ENOX1: variants seen among roughly 807,000 people sequenced by gnomAD.
ENOX1 encodes ecto-NOX disulfide-thiol exchanger 1.
A neutral mutation model predicts 82.5 loss-of-function variants in ENOX1; 42 were observed. The observed-to-expected ratio is 0.51, with a 90% confidence interval of 0.40 to 0.66. The LOEUF (loss-of-function observed/expected upper bound fraction) is 0.66. ENOX1 is among the 30% of genes least tolerant of loss of function. ENOX1 has a pLI of 0.00. For synonymous variants in ENOX1, 271 were observed against 282.2 expected (o/e 0.96, Z 0.40); for missense variants, 608 against 811.6 (o/e 0.75, Z 3.05).
intron 5 of ENOX1, among the ~76,000 whole-genome samples, chr13:43,407,316 C>A (rs2053858670): frequency 6.6e-6 from 1 of 152,156 alleles, no homozygotes; most frequent in Non-Finnish European, 1.5e-5. Context: ...AAATTGTGAA[C>A]TAGATCATGC....
At chr13:43,699,723 G>C (rs2086816019) in intron 1 of ENOX1, among the ~76,000 whole-genome samples, 1 of 152,204 alleles carries the variant, frequency 6.6e-6, no homozygotes. Flanking sequence ...CTTGTGCAGA[G>C]AAGAATAGTT....
At chr13:43,397,041 C>A (rs2053196903) in intron 5 of ENOX1, among the ~76,000 whole-genome samples, 1 of 152,186 alleles carries the variant, frequency 6.6e-6, no homozygotes, top group Non-Finnish European at 1.5e-5. Context: ...CACTTTCATG[C>A]CCTTCCCAGT....
At chr13:43,696,880 C>T (rs909950208) in intron 1 of ENOX1, among the ~76,000 whole-genome samples, 3 of 150,670 alleles carry the variant, frequency 2.0e-5, no homozygotes, top group African/African-American at 7.3e-5. Context: ...ACCATCTTCA[C>T]TGGCTCTTGA....
intron 5 of ENOX1, among the ~76,000 whole-genome samples, chr13:43,407,143 G>T (rs2053849513): frequency 1.3e-5 from 2 of 152,180 alleles, no homozygotes; most frequent in South Asian, 2.1e-4. Context: ...CCAAAGCTTG[G>T]GATTTGATAT....
chr13:43,783,868 G>A (rs1164315617), intron 1 of ENOX1, among the ~76,000 whole-genome samples: 2 of 152,058 alleles, frequency 1.3e-5, no homozygotes, highest in Non-Finnish European at 2.9e-5. Context: ...AAAAGAAACA[G>A]CTTCACCTTA....
intron 3 of ENOX1, among the ~76,000 whole-genome samples, chr13:43,435,184 A>T (rs1203310802): frequency 2.0e-5 from 3 of 152,052 alleles, no homozygotes; most frequent in Non-Finnish European, 2.9e-5. Flanking sequence ...CACGCAATGG[A>T]GTATGCCATT....
chr13:43,630,364 A>T (rs867062166), intron 2 of ENOX1, among the ~76,000 whole-genome samples: 157 of 152,276 alleles, frequency 1.0e-3, no homozygotes, highest in African/African-American at 3.5e-3. Flanking sequence ...GGTAGTCCTT[A>T]AACCCTACTT....
chr13:43,572,512 C>G (rs2080229670), intron 2 of ENOX1, among the ~76,000 whole-genome samples: 1 of 152,182 alleles, frequency 6.6e-6, no homozygotes, highest in African/African-American at 2.4e-5. Flanking sequence ...TCATGGCACT[C>G]ATGTCTTCAA....
chr13:43,414,711 T>C (rs2054339955), intron 3 of ENOX1, among the ~76,000 whole-genome samples: 1 of 152,228 alleles, frequency 6.6e-6, no homozygotes, highest in African/African-American at 2.4e-5. Context: ...TTCAGATCTT[T>C]GCAACGTCAC....
chr13:43,498,368 G>A (rs923789822), intron 2 of ENOX1, among the ~76,000 whole-genome samples: 3 of 151,976 alleles, frequency 2.0e-5, no homozygotes, highest in Non-Finnish European at 4.4e-5. Context: ...GCATCTTATA[G>A]TAATAACAGG....
At chr13:43,572,846 T>C (rs2080244849) in intron 2 of ENOX1, among the ~76,000 whole-genome samples, 1 of 152,254 alleles carries the variant, frequency 6.6e-6, no homozygotes, top group African/African-American at 2.4e-5. Flanking sequence ...GGGATAATTA[T>C]CTGGTTATCC....
chr13:43,435,198 G>A, intron 3 of ENOX1, among the ~76,000 whole-genome samples: 1 of 152,040 alleles, frequency 6.6e-6, no homozygotes, highest in East Asian at 1.9e-4. Flanking sequence ...TGCCATTCCA[G>A]CCAGGAAACC....
intron 2 of ENOX1, among the ~76,000 whole-genome samples, chr13:43,632,410 T>C (rs1331085104): frequency 6.6e-6 from 1 of 151,754 alleles, no homozygotes; most frequent in Non-Finnish European, 1.5e-5. Context: ...ATTATATATA[T>C]AGCCTTATAA....
At chr13:43,478,944 C>CGGGGGAGTAATTCCCCAAGCCTTT (rs1555293797) in intron 3 of ENOX1, among the ~76,000 whole-genome samples, 2 of 150,916 alleles carry the variant, frequency 1.3e-5, no homozygotes, top group African/African-American at 4.9e-5. Flanking sequence ...AGAGCCATTT[C>CGGGGGAGTAATTCCCCAAGCCTTT]GGGGGAGAAA....
chr13:43,772,779 A>G (rs969804851), intron 1 of ENOX1, among the ~76,000 whole-genome samples: 5 of 151,348 alleles, frequency 3.3e-5, no homozygotes, highest in Non-Finnish European at 5.9e-5. Context: ...AAAGAAGGAA[A>G]GAGAAGAGAA....
chr13:43,464,261 GGAAATAAATACA>G (rs1304230689), intron 3 of ENOX1, among the ~76,000 whole-genome samples: 1 of 152,034 alleles, frequency 6.6e-6, no homozygotes, highest in East Asian at 1.9e-4. Context: ...AATATATGAA[GGAAATAAATACA>G]GAAATAAATA....
chr13:43,313,560 C>A (rs1315530564), intron 11 of ENOX1, among the ~76,000 whole-genome samples: 1 of 151,928 alleles, frequency 6.6e-6, no homozygotes, highest in Non-Finnish European at 1.5e-5. Flanking sequence ...TTAAATAATA[C>A]ATGCATATAT....
chr13:43,743,768 C>T (rs1389972713), intron 1 of ENOX1, among the ~76,000 whole-genome samples: 3 of 152,138 alleles, frequency 2.0e-5, no homozygotes, highest in African/African-American at 7.2e-5. Context: ...TTTTGTAATG[C>T]TATAACAGAA....
chr13:43,468,605 T>C (rs572662860), intron 3 of ENOX1, among the ~76,000 whole-genome samples: 2 of 146,274 alleles, frequency 1.4e-5, no homozygotes, highest in East Asian at 4.1e-4. Context: ...GCCTGGGCAA[T>C]ATAGTGAGAC....
Sources: gnomAD v4.1 joint callset for allele counts (sites outside exome capture counted in the v4.1 genomes callset) on GRCh38, gnomAD v4.1.1 for gene constraint, MANE v1.5 for transcripts, NCBI Gene and HGNC (gene_info 2026-07-23, HGNC 2026-07-21) for gene names.